The following CLASP1 variants were observed in gnomAD, a reference collection of about 807,000 sequenced individuals.
CLASP1 encodes the protein cytoplasmic linker associated protein 1.
A neutral mutation model predicts 192.3 loss-of-function variants in CLASP1; 38 were observed. That is an observed-to-expected ratio of 0.20 (90% CI 0.15 to 0.26). The LOEUF (loss-of-function observed/expected upper bound fraction) is 0.26. Ranked by LOEUF, CLASP1 falls within the 10% of genes least tolerant of loss-of-function variation. The pLI, the probability that CLASP1 is intolerant of heterozygous loss-of-function variation, is 1.00. For missense variants in CLASP1, 1,433 were observed against 1,932.5 expected, an observed-to-expected ratio of 0.74 and a Z score of 4.85; for synonymous variants, 691 against 712.8, an observed-to-expected ratio of 0.97 and a Z score of 0.49.
intron 2 of CLASP1, among the ~76,000 whole-genome samples, chr2:121,538,883 T>G (rs887462946): frequency 6.6e-6 from 1 of 152,100 alleles, no homozygotes; most frequent in African/African-American, 2.4e-5. Context: ...ACATTTCTAT[T>G]CTCATAATAA....
At chr2:121,366,535 G>C (rs1165592998) in intron 35 of CLASP1, among the ~76,000 whole-genome samples, 1 of 152,196 alleles carries the variant, frequency 6.6e-6, no homozygotes, top group Admixed American at 6.5e-5. Context: ...TCTGCCTCCA[G>C]CACAGGCCTT....
chr2:121,473,365 G>GA (rs1012066017), intron 8 of CLASP1, among the ~76,000 whole-genome samples: 10 of 151,834 alleles, frequency 6.6e-5, no homozygotes, highest in African/African-American at 2.2e-4. Context: ...TAGAAGTAAA[G>GA]AAAAAAATCA....
chr2:121,462,036 C>T (rs1051764368), intron 10 of CLASP1, among the ~76,000 whole-genome samples: 2 of 152,096 alleles, frequency 1.3e-5, no homozygotes, highest in African/African-American at 4.8e-5. Flanking sequence ...CAATCAGCAA[C>T]AGACGATACT....
In CLASP1 at chr2:121,347,587, G is replaced by A. The variant is rs116313381; in HGVS notation, c.4414-433C>T. Reference sequence around the variant, plus strand: ...AATGAGAACATCATCACTCGCTCTTGTGAGCAAAACCCCTCTACCCTCCAG... The same window carrying A: ...AATGAGAACATCATCACTCGCTCTTATGAGCAAAACCCCTCTACCCTCCAG... On this transcript the variant is annotated intron_variant, in intron 38 of 39. Coordinates refer to ENST00000263710, the Ensembl canonical transcript of CLASP1. Among the ~76,000 whole-genome samples, 512 of 152,314 alleles carry A rather than the reference G, an allele frequency of 3.4e-3. 1 individual carries two copies. The highest frequency in any genetic ancestry group is 0.024 in the Middle Eastern group (7 of 294).
chr2:121,448,875 C>T (rs1574954408), intron 17 of CLASP1, 78 bp downstream of exon 17: 1 of 1,432,036 alleles, frequency 7.0e-7, no homozygotes, highest in Non-Finnish European at 9.5e-7. Flanking sequence ...AAAAACATAG[C>T]TAGAATTTGT....
At chr2:121,596,076 A>T (rs180824393) in intron 2 of CLASP1, among the ~76,000 whole-genome samples, 1 of 152,362 alleles carries the variant, frequency 6.6e-6, no homozygotes, top group East Asian at 1.9e-4. Flanking sequence ...TACTTTCAGT[A>T]CACTTTGTTG....
At chr2:121,365,431 G>T in intron 35 of CLASP1, 147 bp from the exon 37 acceptor site, 1 of 760,510 alleles carries the variant, frequency 1.3e-6, no homozygotes, top group Non-Finnish European at 2.2e-6. Flanking sequence ...CCTCCGCCCT[G>T]CTTCGCTGTC....
intron 3 of CLASP1, among the ~76,000 whole-genome samples, chr2:121,529,930 C>T (rs1296239739): frequency 6.6e-6 from 1 of 152,154 alleles, no homozygotes; most frequent in Non-Finnish European, 1.5e-5. Context: ...CATATTAGAA[C>T]ACGTATTACT....
chr2:121,549,822 G>A (rs2057849432), intron 2 of CLASP1, among the ~76,000 whole-genome samples: 1 of 151,546 alleles, frequency 6.6e-6, no homozygotes, highest in African/African-American at 2.4e-5. Flanking sequence ...TGGCTAACAT[G>A]GTGAAACCCC....
At chr2:121,340,295 G>C (rs1250108315) in exon 40 of CLASP1, 2 of 152,408 alleles carry the variant, frequency 1.3e-5, no homozygotes, top group Non-Finnish European at 2.9e-5. Flanking sequence ...AAAATTCCCA[G>C]CGTTTGTTAA....
chr2:121,457,812 A>G (rs2087011641), intron 13 of CLASP1, 55 bp from the exon 14 acceptor site: 1 of 1,295,762 alleles, frequency 7.7e-7, no homozygotes, highest in East Asian at 2.3e-5. Context: ...AAAACAAAAC[A>G]AAATTAAGAG....
chr2:121,404,397 G>A (rs1465013620), exon 26 of CLASP1: 2 of 1,612,220 alleles, frequency 1.2e-6, no homozygotes, highest in African/African-American at 1.3e-5. Context: ...GCAAACATCC[G>A]AGTGAAGATC....
chr2:121,626,669 C>T (rs1051242218), intron 1 of CLASP1, among the ~76,000 whole-genome samples: 2 of 152,046 alleles, frequency 1.3e-5, no homozygotes, highest in Non-Finnish European at 2.9e-5. Context: ...AAGTGATTCT[C>T]GCACTTTGGC....
chr2:121,370,493 T>C (rs553654041), intron 34 of CLASP1, among the ~76,000 whole-genome samples: 1 of 152,286 alleles, frequency 6.6e-6, no homozygotes, highest in East Asian at 1.9e-4. Context: ...ACCTGGCTAA[T>C]TTCTTGTATT....
At chr2:121,571,171 T>C (rs766601156) in intron 2 of CLASP1, among the ~76,000 whole-genome samples, 3 of 151,884 alleles carry the variant, frequency 2.0e-5, no homozygotes, top group Non-Finnish European at 4.4e-5. Context: ...AATTTATTTA[T>C]TTAGTTTTTG....
intron 22 of CLASP1, among the ~76,000 whole-genome samples, chr2:121,424,762 C>G (rs2080098931): frequency 6.6e-6 from 1 of 152,180 alleles, no homozygotes; most frequent in South Asian, 2.1e-4. Context: ...ACCCTAAATG[C>G]TGTTTTTGAA....
At chr2:121,485,729 C>T (rs994195938) in intron 8 of CLASP1, among the ~76,000 whole-genome samples, 2 of 152,120 alleles carry the variant, frequency 1.3e-5, no homozygotes, top group Admixed American at 6.5e-5. Flanking sequence ...AGAATTAGGG[C>T]ATGGTGGGGG....
chr2:121,531,039 CA>C (rs1240808076), intron 2 of CLASP1: 1 of 699,074 alleles, frequency 1.4e-6, no homozygotes, highest in Admixed American at 2.0e-5. Context: ...CTTATCAGTT[CA>C]AACAGCAGTA....
intron 2 of CLASP1, among the ~76,000 whole-genome samples, chr2:121,600,691 C>T (rs2063690610): frequency 6.6e-6 from 1 of 152,192 alleles, no homozygotes; most frequent in Admixed American, 6.5e-5. Flanking sequence ...GTTTCCTCTC[C>T]ATAGACTATG....
Sources: allele counts gnomAD v4.1 joint callset (sites outside exome capture counted in the v4.1 genomes callset), GRCh38; gene constraint gnomAD v4.1.1; transcripts MANE v1.5; gene names NCBI Gene and HGNC (gene_info 2026-07-23, HGNC 2026-07-21).